CNTNAP2: variants seen among roughly 807,000 people sequenced by gnomAD.
CNTNAP2 encodes the protein contactin-associated protein-like 2.
In CNTNAP2, 98 loss-of-function variants were observed where a neutral mutation model predicts 155.2. The observed-to-expected ratio is 0.63, with a 90% CI of 0.54 to 0.75. CNTNAP2 has a LOEUF of 0.75. Ranked by LOEUF, CNTNAP2 falls within the 30% of genes least tolerant of loss-of-function variation. The pLI, the probability that CNTNAP2 is intolerant of heterozygous loss-of-function variation, is 0.00. For synonymous variants in CNTNAP2, 651 were observed against 631.2 expected, an observed-to-expected ratio of 1.03 and a Z score of -0.47; for missense variants, 1,727 against 1,688.1, an observed-to-expected ratio of 1.02 and a Z score of -0.40.
intron 4 of CNTNAP2, among the ~76,000 whole-genome samples, chr7:147,089,315 T>A (rs1346917123): frequency 2.0e-5 from 3 of 152,162 alleles, no homozygotes; most frequent in Non-Finnish European, 4.4e-5. Flanking sequence ...ATTGCACTTC[T>A]CTGTTTGTCA....
chr7:146,775,795 A>G (rs140371648), intron 2 of CNTNAP2, among the ~76,000 whole-genome samples: 2 of 152,228 alleles, frequency 1.3e-5, no homozygotes, highest in African/African-American at 4.8e-5. Context: ...TATACAGAAT[A>G]ATATATAAGG....
At chr7:146,885,133 T>C (rs749193889) in intron 3 of CNTNAP2, among the ~76,000 whole-genome samples, 11 of 152,156 alleles carry the variant, frequency 7.2e-5, no homozygotes, top group Non-Finnish European at 1.3e-4. Context: ...TGTGGTTTCT[T>C]GGAAAACTAT....
chr7:147,047,552 CT>C (rs1350941205), intron 4 of CNTNAP2, among the ~76,000 whole-genome samples: 3 of 152,074 alleles, frequency 2.0e-5, no homozygotes, highest in African/African-American at 7.2e-5. Flanking sequence ...GCAGGCAACT[CT>C]TCTTCATTCT....
chr7:146,670,255 C>G (rs1369359171), intron 1 of CNTNAP2, among the ~76,000 whole-genome samples: 1 of 152,150 alleles, frequency 6.6e-6, no homozygotes, highest in Non-Finnish European at 1.5e-5. Context: ...ACTGCTTGGA[C>G]CAACCCCATC....
rs547121053 is a variant in CNTNAP2 at position 147,152,589 on chromosome 7, A to G, written c.1348+20080A>G. Reference sequence around the variant, plus strand: ...TGGTAGTACGAAAACAAAAAGGACAATAATCAATACCTCAAGTAATGTGTT... The same window carrying G: ...TGGTAGTACGAAAACAAAAAGGACAGTAATCAATACCTCAAGTAATGTGTT... On this transcript the variant is annotated intron_variant, in intron 8 of 23. Transcript: ENST00000361727. Among the ~76,000 whole-genome samples, 6 of 152,242 alleles carry G rather than the reference A, an allele frequency of 3.9e-5. No individual in the cohort carries two copies. The East Asian group carries it at 9.7e-4, about 25-fold the overall frequency.
intron 18 of CNTNAP2, among the ~76,000 whole-genome samples, chr7:148,194,035 A>G (rs1343190350): frequency 6.6e-6 from 1 of 151,210 alleles, no homozygotes; most frequent in Middle Eastern, 3.2e-3. Flanking sequence ...CAGTGGCGCA[A>G]TCAGGGCCAA....
At chr7:146,607,323 C>T (rs926626953) in intron 1 of CNTNAP2, among the ~76,000 whole-genome samples, 1 of 152,068 alleles carries the variant, frequency 6.6e-6, no homozygotes, top group African/African-American at 2.4e-5. Context: ...GTCCAATGAT[C>T]ACACTTCTGC....
At chr7:147,597,683 C>G (rs528119600) in intron 12 of CNTNAP2, among the ~76,000 whole-genome samples, 8 of 152,160 alleles carry the variant, frequency 5.3e-5, no homozygotes, top group Non-Finnish European at 1.0e-4. Context: ...CAGAGAAGTG[C>G]TTTTTCACAT....
chr7:146,227,702 C>G (rs999876103), intron 1 of CNTNAP2, among the ~76,000 whole-genome samples: 1 of 151,958 alleles, frequency 6.6e-6, no homozygotes, highest in Non-Finnish European at 1.5e-5. Context: ...AAAGGACAAG[C>G]TGACAAAAGT....
intron 9 of CNTNAP2, among the ~76,000 whole-genome samples, chr7:147,340,285 G>A (rs566349341): frequency 6.6e-6 from 1 of 152,222 alleles, no homozygotes; most frequent in South Asian, 2.1e-4. Context: ...TTCTCTTAAT[G>A]TATGCTAGAA....
At chr7:147,253,973 C>G (rs901286902) in intron 8 of CNTNAP2, among the ~76,000 whole-genome samples, 3 of 152,104 alleles carry the variant, frequency 2.0e-5, no homozygotes, top group Admixed American at 1.3e-4. Flanking sequence ...ACAGTAAGTG[C>G]GAAAAATGGG....
chr7:147,406,554 G>C (rs1380233156), intron 10 of CNTNAP2, among the ~76,000 whole-genome samples: 1 of 152,160 alleles, frequency 6.6e-6, no homozygotes, highest in Non-Finnish European at 1.5e-5. Flanking sequence ...AACAAGCTTA[G>C]TTTTTCAGAT....
rs138517537 is a variant in CNTNAP2, at chr7:147,977,962, G to A, written c.2356G>A (p.Val786Ile). The part of the protein sequence containing the change: ...DRQGSEAKLS[V>I]GPLRCQGDRN... ...TCAAGGCTCAGAAGCCAAATTGAGCGTAGGTCCTCTGCGCTGCCAAGGAGA... is the reference window on the plus strand; with the variant it reads ...TCAAGGCTCAGAAGCCAAATTGAGCATAGGTCCTCTGCGCTGCCAAGGAGA... The change falls in exon 15 of 24, where the codon GTA becomes ATA. Residue 786 changes from valine (V) to isoleucine (I), a missense_variant. Transcript: ENST00000361727. 7.1e-5 allele frequency: 115 copies of A among 1,614,100 alleles called. 1 individual carries two copies. The highest frequency in any genetic ancestry group is 1.3e-4 in the Admixed American group (8 of 60,018).
At chr7:147,509,640 C>T (rs886820996) in intron 11 of CNTNAP2, among the ~76,000 whole-genome samples, 2 of 152,090 alleles carry the variant, frequency 1.3e-5, no homozygotes, top group African/African-American at 2.4e-5. Flanking sequence ...TTAGCAGTTA[C>T]ACTTTAAGCT....
rs377344240 is a variant in CNTNAP2 at position 147,800,697 on chromosome 7, AG to A, written c.2099-102867del. Among the ~76,000 whole-genome samples the A allele has an allele frequency of 4.9e-3, 748 of 152,328 alleles. 8 individuals are homozygous for A. Among genetic ancestry groups the A allele is most frequent in the African/African-American group, 0.017 (710 of 41,572 alleles). On this transcript the variant is annotated intron_variant, in intron 13 of 23. Transcript: ENST00000361727. ...CCGTGATTGGAAAAGGTCTTTAAAA[AG>A]CTTTGAACCCAGCATGGACCTTCAC...
chr7:146,932,923 C>G (rs1019074293), intron 3 of CNTNAP2, among the ~76,000 whole-genome samples: 2 of 152,070 alleles, frequency 1.3e-5, no homozygotes, highest in African/African-American at 2.4e-5. Context: ...AACCACTTCT[C>G]AATGAAATAA....
At chr7:147,533,193 G>A (rs2116729499) in intron 11 of CNTNAP2, among the ~76,000 whole-genome samples, 1 of 152,164 alleles carries the variant, frequency 6.6e-6, no homozygotes, top group East Asian at 1.9e-4. Context: ...TTTGATCTTA[G>A]AAAAAACTAA....
chr7:147,473,438 C>A (rs947232242), intron 10 of CNTNAP2, among the ~76,000 whole-genome samples: 1 of 151,918 alleles, frequency 6.6e-6, no homozygotes. Context: ...TTTCAAATAG[C>A]GGCAGCACCG....
chr7:147,618,553 A>C (rs1801334519), intron 12 of CNTNAP2, among the ~76,000 whole-genome samples: 1 of 151,776 alleles, frequency 6.6e-6, no homozygotes, highest in South Asian at 2.1e-4. Context: ...GACTCAGCTC[A>C]TATACTTTTA....
Sources: allele counts gnomAD v4.1 joint callset (sites outside exome capture counted in the v4.1 genomes callset), GRCh38; gene constraint gnomAD v4.1.1; transcripts MANE v1.5; gene names NCBI Gene and HGNC (gene_info 2026-07-23, HGNC 2026-07-21).